Variants in ZNF71 observed in about 807,000 individuals in gnomAD.
ZNF71 encodes zinc finger protein 71.
ZNF71 carries 3 observed loss-of-function variants against 6.7 expected under a neutral mutation model. The ratio of observed to expected loss-of-function variants is 0.45; its 90% CI spans 0.20 to 1.16. ZNF71 has a LOEUF of 1.16. Among genes scored for constraint, ZNF71 ranks in the 50% most tolerant of loss-of-function variants. ZNF71 has a pLI of 0.25. For synonymous variants in ZNF71, 343 were observed against 311.1 expected (o/e 1.10, Z -1.08); for missense variants, 688 against 728.6 (o/e 0.94, Z 0.64).
chr19:56,623,565 A>C lies in ZNF71; in HGVS notation c.*808A>C, dbSNP rs1304321089. On this transcript the variant is annotated 3_prime_UTR_variant, in exon 4 of 4. Coordinates refer to ENST00000599599, the MANE Select transcript of ZNF71 (RefSeq NM_001370215.1). ...TTCAGAAAGAAATATGCATGGATTCAATAAGTATATACATCTGAGCACAGA... is the reference window on the plus strand; with the variant it reads ...TTCAGAAAGAAATATGCATGGATTCCATAAGTATATACATCTGAGCACAGA... The C allele has an allele frequency of 6.0e-6, 1 of 167,142 alleles. No homozygotes were observed. The highest frequency in any genetic ancestry group is 6.5e-5 in the Admixed American group (1 of 15,290). The allele number at this position is 167,142 out of a possible 1,614,324, so 10.4% of individuals were successfully genotyped here. A position where few individuals can be genotyped will look rare whatever the true frequency, so the allele number is the denominator to read the frequency against.
intron 1 of ZNF71, among the ~76,000 whole-genome samples, chr19:56,595,985 CGT>C (rs986497779): frequency 9.9e-4 from 139 of 139,928 alleles, no homozygotes; most frequent in Middle Eastern, 3.9e-3. Flanking sequence ...TGTGTGGTAG[CGT>C]GTGTGTGTGT....
At chr19:56,597,046 G>T (rs979218704) in intron 1 of ZNF71, among the ~76,000 whole-genome samples, 2 of 152,142 alleles carry the variant, frequency 1.3e-5, no homozygotes, top group Non-Finnish European at 2.9e-5. Context: ...TGGGCCCCTT[G>T]CTCCATTGTT....
intron 2 of ZNF71, among the ~76,000 whole-genome samples, chr19:56,607,467 C>T (rs1473462849): frequency 6.6e-6 from 1 of 152,178 alleles, no homozygotes; most frequent in Non-Finnish European, 1.5e-5. Context: ...GTTCTAGGGT[C>T]TGAGGATTCT....
chr19:56,595,703 A>G (rs183509741), intron 1 of ZNF71, among the ~76,000 whole-genome samples: 81 of 152,174 alleles, frequency 5.3e-4, no homozygotes, highest in Non-Finnish European at 1.1e-3. Context: ...CAGGCAGTGC[A>G]TATCATCCTG....
Position 56,598,738 on chromosome 19 carries a change from A to G in ZNF71, c.-52-2769A>G, listed in dbSNP as rs2044644745. ...TTGGCAAATGTCTCTAGACGTTGACAAATGTCTCCGGGGGCAGAATTGTTC... is the reference window on the plus strand; with the variant it reads ...TTGGCAAATGTCTCTAGACGTTGACGAATGTCTCCGGGGGCAGAATTGTTC... On this transcript the variant is annotated intron_variant, in intron 1 of 3. Coordinates refer to ENST00000599599, the MANE Select transcript of ZNF71 (RefSeq NM_001370215.1). The surrounding 1 kb of genome is among the most constrained non-coding windows in gnomAD (Gnocchi z 4.2). 6.6e-6 allele frequency among the ~76,000 whole-genome samples: 1 copy of G among 152,310 alleles called. No individual in the cohort carries two copies. The highest frequency in any genetic ancestry group is 2.4e-5 in the African/African-American group (1 of 41,542).
chr19:56,620,170 G>C (rs1165469856), intron 3 of ZNF71, among the ~76,000 whole-genome samples: 1 of 152,214 alleles, frequency 6.6e-6, no homozygotes, highest in Non-Finnish European at 1.5e-5. Context: ...GCTGATGAGA[G>C]GGCTGGGGTG....
rs543518823 is a variant in ZNF71, at chr19:56,612,246, G to T, written c.34-1566G>T. On this transcript the variant is annotated intron_variant, in intron 2 of 3. Transcript: ENST00000599599. ...TTATATCAAAAAGACACCTGCACGT[G>T]TATGTTTATTGCAGCACGATTCACA... Among the ~76,000 whole-genome samples, 8 of 152,256 alleles carry T rather than the reference G, an allele frequency of 5.3e-5. 1 individual carries two copies. In the East Asian group the frequency reaches 1.5e-3, roughly 29 times the overall value.
intron 1 of ZNF71, among the ~76,000 whole-genome samples, chr19:56,596,128 C>T (rs1050649102): frequency 6.6e-6 from 1 of 151,804 alleles, no homozygotes; most frequent in African/African-American, 2.4e-5. Flanking sequence ...GTGTGTCAGC[C>T]TTGATCTCTG....
intron 2 of ZNF71, among the ~76,000 whole-genome samples, chr19:56,604,989 G>T (rs2044698702): frequency 6.6e-6 from 1 of 152,180 alleles, no homozygotes; most frequent in South Asian, 2.1e-4. Flanking sequence ...GAGCTTTCTT[G>T]CCCCATCAAA....
chr19:56,620,820 G>T (rs2044838964), intron 3 of ZNF71, among the ~76,000 whole-genome samples: 1 of 152,314 alleles, frequency 6.6e-6, no homozygotes, highest in Non-Finnish European at 1.5e-5. Flanking sequence ...GAGCCACTGT[G>T]CCTGGCCATC....
intron 2 of ZNF71, chr19:56,610,576 A>G (rs574346329): frequency 6.6e-6 from 1 of 152,228 alleles, no homozygotes; most frequent in Non-Finnish European, 1.5e-5. Context: ...CTGATACTGT[A>G]ATAAATATCC....
chr19:56,613,177 C>T lies in ZNF71; in HGVS notation c.34-635C>T, dbSNP rs565303082. 1.1e-4 allele frequency among the ~76,000 whole-genome samples: 16 copies of T among 152,272 alleles called. No individual in the cohort carries two copies. The highest frequency in any genetic ancestry group is 1.9e-4 in the Non-Finnish European group (13 of 68,022). Reference sequence around the variant, plus strand: ...GCAGTCTCATCTGCCTTTTCACCTTCGGGTCTTGATCCAAGCTCTCTTCCC... The same window carrying T: ...GCAGTCTCATCTGCCTTTTCACCTTTGGGTCTTGATCCAAGCTCTCTTCCC... On this transcript the variant is annotated intron_variant, in intron 2 of 3. Coordinates refer to ENST00000599599, the MANE Select transcript of ZNF71 (RefSeq NM_001370215.1). The surrounding 1 kb of genome is among the most constrained non-coding windows in gnomAD (Gnocchi z 4.6).
intron 3 of ZNF71, among the ~76,000 whole-genome samples, chr19:56,617,256 G>A (rs1393892308): frequency 6.6e-6 from 1 of 152,036 alleles, no homozygotes; most frequent in African/African-American, 2.4e-5. Context: ...GATTACAGGT[G>A]CCTGCCACCA....
chr19:56,620,141 A>G (rs931733857), intron 3 of ZNF71, among the ~76,000 whole-genome samples: 2 of 152,118 alleles, frequency 1.3e-5, no homozygotes, highest in African/African-American at 4.8e-5. Context: ...TCCTGTGTGT[A>G]TGAACACTTA....
At chr19:56,615,193 G>A (rs1465004414) in intron 3 of ZNF71, among the ~76,000 whole-genome samples, 1 of 152,216 alleles carries the variant, frequency 6.6e-6, no homozygotes, top group African/African-American at 2.4e-5. Flanking sequence ...TAAAGCTGCT[G>A]TGAACATTTG....
At chr19:56,605,579 C>T (rs2044704713) in intron 2 of ZNF71, among the ~76,000 whole-genome samples, 1 of 152,192 alleles carries the variant, frequency 6.6e-6, no homozygotes, top group Non-Finnish European at 1.5e-5. Context: ...TGCTACCCAG[C>T]AAAATATAAC....
At chr19:56,611,142 A>G (rs2044748901) in intron 2 of ZNF71, among the ~76,000 whole-genome samples, 1 of 152,234 alleles carries the variant, frequency 6.6e-6, no homozygotes, top group African/African-American at 2.4e-5. Flanking sequence ...GGCAGAAGAA[A>G]CGGCTAGTGC....
rs778147409 is a variant in ZNF71 at position 56,598,679 on chromosome 19, C to T, written c.-52-2828C>T. 9.9e-5 allele frequency among the ~76,000 whole-genome samples: 15 copies of T among 152,150 alleles called. No homozygotes were observed. The highest frequency in any genetic ancestry group is 3.6e-4 in the African/African-American group (15 of 41,432). ...GCATCCCCAGTCTCTACCAACTAAA[C>T]GCCCATAGCACTCCCCTGCCAAATT... On this transcript the variant is annotated intron_variant, in intron 1 of 3. Transcript: ENST00000599599. This position sits in a 1 kb window ranked among gnomAD's most constrained non-coding sequence, Gnocchi z 4.2.
Position 56,603,244 on chromosome 19 carries a change from C to G in ZNF71, c.33+1653C>G, listed in dbSNP as rs896671754. On this transcript the variant is annotated intron_variant, in intron 2 of 3. Coordinates refer to ENST00000599599, the MANE Select transcript of ZNF71 (RefSeq NM_001370215.1). The surrounding 1 kb of genome is among the most constrained non-coding windows in gnomAD (Gnocchi z 4.6). ...CATTTTCCCCCATCAGTCCACGGCC[C>G]CTGGCAACCAGTAATCAGCTTTCTG... Among the ~76,000 whole-genome samples, 1 of 152,186 alleles carries G rather than the reference C, an allele frequency of 6.6e-6. No individual in the cohort carries two copies. Among genetic ancestry groups the G allele is most frequent in the Non-Finnish European group, 1.5e-5 (1 of 68,034 alleles).
Sources: allele counts gnomAD v4.1 joint callset (sites outside exome capture counted in the v4.1 genomes callset), GRCh38; gene constraint gnomAD v4.1.1; non-coding constraint Gnocchi (gnomAD v3.1); transcripts MANE v1.5; gene names NCBI Gene and HGNC (gene_info 2026-07-23, HGNC 2026-07-21).